The following SAMD8 variants were observed in gnomAD, a reference collection of about 807,000 sequenced individuals.
SAMD8 encodes the protein sphingomyelin synthase-related protein 1.
A neutral mutation model predicts 42.0 loss-of-function variants in SAMD8; 20 were observed. The observed-to-expected ratio is 0.48, with a 90% CI of 0.34 to 0.69. SAMD8 has a LOEUF of 0.69. SAMD8 is among the 30% of genes least tolerant of loss of function. The pLI, the probability that SAMD8 is intolerant of heterozygous loss-of-function variation, is 0.01. For missense variants in SAMD8, 328 were observed against 511.6 expected, an observed-to-expected ratio of 0.64 and a Z score of 3.46; for synonymous variants, 162 against 173.0, an observed-to-expected ratio of 0.94 and a Z score of 0.50.
chr10:75,104,436 G>C (rs1268461723), intron 1 of SAMD8, among the ~76,000 whole-genome samples: 1 of 152,140 alleles, frequency 6.6e-6, no homozygotes, highest in Non-Finnish European at 1.5e-5. Context: ...GTGCAATGCT[G>C]TACCCCTGCC....
intron 1 of SAMD8, among the ~76,000 whole-genome samples, chr10:75,114,350 C>T (rs961062332): frequency 6.5e-5 from 9 of 137,946 alleles, no homozygotes; most frequent in African/African-American, 1.7e-4. Flanking sequence ...AAAAAAAAAT[C>T]GGTTTCTCTA....
chr10:75,105,131 C>T (rs1239879548), intron 1 of SAMD8, among the ~76,000 whole-genome samples: 2 of 152,152 alleles, frequency 1.3e-5, no homozygotes, highest in African/African-American at 4.8e-5. Flanking sequence ...GAGGCCTGGC[C>T]TTAGCTCACT....
chr10:75,159,930 C>T (rs572985047), intron 2 of SAMD8, among the ~76,000 whole-genome samples: 2 of 152,228 alleles, frequency 1.3e-5, no homozygotes, highest in Non-Finnish European at 2.9e-5. Flanking sequence ...TACACAAATC[C>T]AATATGTTCA....
chr10:75,147,369 C>G (rs927533451), intron 1 of SAMD8, among the ~76,000 whole-genome samples: 8 of 152,022 alleles, frequency 5.3e-5, no homozygotes, highest in Non-Finnish European at 1.0e-4. Flanking sequence ...CTGTGTTGCC[C>G]AGGCTGGAGT....
At chr10:75,108,971 G>T (rs200305605), upstream of SAMD8, 1 of 1,559,032 alleles carries the variant, frequency 6.4e-7, no homozygotes, top group African/African-American at 1.4e-5. Context: ...GCCTCTCCAC[G>T]TCCCCACCCC....
chr10:75,157,650 A>G (rs920523422), intron 2 of SAMD8, among the ~76,000 whole-genome samples: 6 of 152,118 alleles, frequency 3.9e-5, no homozygotes, highest in African/African-American at 1.4e-4. Flanking sequence ...GAGTGAATAG[A>G]CTTGTGTAAT....
chr10:75,158,811 A>G lies in SAMD8; in HGVS notation c.579-5834A>G, dbSNP rs571863831. ...ATTCTGGACATTTCGTATAAGTGGA[A>G]CCATACAATATCGGGTCTTTTTGTG... On this transcript the variant is annotated intron_variant, in intron 2 of 5. Coordinates refer to ENST00000542569, the MANE Select transcript of SAMD8 (RefSeq NM_001174156.2). Among the ~76,000 whole-genome samples, 36 of 152,276 alleles carry G rather than the reference A, an allele frequency of 2.4e-4. No individual in the cohort carries two copies. The South Asian group carries it at 5.8e-3, about 25-fold the overall frequency.
rs549861670 is a variant in SAMD8, at chr10:75,147,207, G to A, written c.-15-3307G>A. On this transcript the variant is annotated intron_variant, in intron 1 of 5. Transcript: ENST00000542569. ...GAGTATGAGAGGAAACTGTCCTAAC[G>A]AATAATGCTACAAGAATGGGAGTGA... 5.3e-5 allele frequency among the ~76,000 whole-genome samples: 8 copies of A among 152,320 alleles called. No homozygotes were observed. In the East Asian group the frequency reaches 5.8e-4, roughly 11 times the overall value.
At chr10:75,160,508 G>A (rs1007102515) in intron 2 of SAMD8, among the ~76,000 whole-genome samples, 2 of 151,876 alleles carry the variant, frequency 1.3e-5, no homozygotes, top group Non-Finnish European at 2.9e-5. Flanking sequence ...GCCCAGCCAA[G>A]AAAATTAAAT....
chr10:75,105,804 G>T, intron 1 of SAMD8: 1 of 1,551,064 alleles, frequency 6.4e-7, no homozygotes, highest in South Asian at 1.2e-5. Flanking sequence ...GGTGCAGCAT[G>T]AGGTAGGCCA....
At chr10:75,110,167 CAGAAG>C (rs1253548919), upstream of SAMD8, among the ~76,000 whole-genome samples, 14 of 152,218 alleles carry the variant, frequency 9.2e-5, no homozygotes, top group African/African-American at 3.4e-4. Flanking sequence ...GCTAACTTCT[CAGAAG>C]AGAAGGCTGA....
chr10:75,113,088 G>A (rs1848810014), intron 1 of SAMD8, among the ~76,000 whole-genome samples: 2 of 152,182 alleles, frequency 1.3e-5, no homozygotes, highest in South Asian at 2.1e-4. Flanking sequence ...GGAAAAATAA[G>A]GACAGAGGAT....
At chr10:75,105,801 C>T (rs371872854) in intron 1 of SAMD8, 6 of 1,551,026 alleles carry the variant, frequency 3.9e-6, no homozygotes, top group Non-Finnish European at 5.2e-6. Flanking sequence ...GCTGGTGCAG[C>T]ATGAGGTAGG....
intron 1 of SAMD8, among the ~76,000 whole-genome samples, chr10:75,147,440 C>T (rs558572496): frequency 6.6e-6 from 1 of 152,304 alleles, no homozygotes; most frequent in African/African-American, 2.4e-5. Flanking sequence ...GGTTCTCTGC[C>T]TCAACCTCCC....
At chr10:75,170,785 T>G (rs1178239947) in intron 4 of SAMD8, among the ~76,000 whole-genome samples, 11 of 145,794 alleles carry the variant, frequency 7.5e-5, no homozygotes, top group African/African-American at 2.5e-4. Context: ...TTTTTTTTTT[T>G]TTTTTTGAGG....
At chr10:75,108,806 C>A (rs192291781), upstream of SAMD8, among the ~76,000 whole-genome samples, 1 of 152,158 alleles carries the variant, frequency 6.6e-6, no homozygotes, top group Non-Finnish European at 1.5e-5. Flanking sequence ...TTCAGGCAGG[C>A]GAAGTCCCTG....
At chr10:75,128,799 A>C (rs1849205230) in intron 1 of SAMD8, among the ~76,000 whole-genome samples, 1 of 152,188 alleles carries the variant, frequency 6.6e-6, no homozygotes, top group Admixed American at 6.5e-5. Context: ...TACAGATTAA[A>C]GGAAGTGAAT....
intron 2 of SAMD8, among the ~76,000 whole-genome samples, chr10:75,160,227 T>C (rs1375172826): frequency 3.3e-5 from 5 of 152,086 alleles, no homozygotes; most frequent in African/African-American, 1.2e-4. Flanking sequence ...GACAGAGTCT[T>C]GCTCTGTCGC....
intron 3 of SAMD8, among the ~76,000 whole-genome samples, chr10:75,166,646 T>G (rs1295492724): frequency 1.3e-5 from 2 of 152,210 alleles, no homozygotes; most frequent in Non-Finnish European, 2.9e-5. Flanking sequence ...CATTTTGTCC[T>G]GTTTTGCAGC....
Sources: gnomAD v4.1 joint callset for allele counts (sites outside exome capture counted in the v4.1 genomes callset) on GRCh38, gnomAD v4.1.1 for gene constraint, MANE v1.5 for transcripts, NCBI Gene and HGNC (gene_info 2026-07-23, HGNC 2026-07-21) for gene names.